Variants in CEP250 observed in about 807,000 individuals in gnomAD.
CEP250 encodes centrosomal protein 250, also known as centrosome-associated protein CEP250.
A neutral mutation model predicts 315.7 loss-of-function variants in CEP250; 242 were observed. That is an observed-to-expected ratio of 0.77 (90% CI 0.69 to 0.85). The LOEUF is 0.85. Among genes scored for constraint, CEP250 ranks in the 40% least tolerant of loss-of-function variants. The pLI, the probability that CEP250 is intolerant of heterozygous loss-of-function variation, is 0.00. For missense variants in CEP250, 2,515 were observed against 2,886.4 expected, an observed-to-expected ratio of 0.87 and a Z score of 2.95; for synonymous variants, 1,088 against 1,175.0, an observed-to-expected ratio of 0.93 and a Z score of 1.51.
chr20:35,462,148 C>T (rs991868539), intron 3 of CEP250, 117 bp from the exon 4 acceptor site: 2 of 382,770 alleles, frequency 5.2e-6, no homozygotes, highest in Non-Finnish European at 9.4e-6. Flanking sequence ...GGGAATGATG[C>T]TCATCATAGC....
intron 32 of CEP250, 38 bp downstream of exon 32, chr20:35,508,228 C>T: frequency 6.2e-7 from 1 of 1,610,076 alleles, no homozygotes; most frequent in South Asian, 1.1e-5. Context: ...TGCATCTCCA[C>T]TTCTCGTGTG....
At chr20:35,464,944 G>A (rs2062837879) in intron 5 of CEP250, among the ~76,000 whole-genome samples, 2 of 152,164 alleles carry the variant, frequency 1.3e-5, no homozygotes, top group South Asian at 2.1e-4. Flanking sequence ...AAAAGAAAAC[G>A]TCGTAAGTTG....
chr20:35,460,583 A>G (rs2062733080), intron 3 of CEP250, among the ~76,000 whole-genome samples: 1 of 152,172 alleles, frequency 6.6e-6, no homozygotes. Flanking sequence ...CCCTGTCTAA[A>G]CGGGCAGGCA....
intron 10 of CEP250, 82 bp downstream of exon 10, chr20:35,470,068 C>G: frequency 2.3e-6 from 2 of 863,510 alleles, no homozygotes; most frequent in Non-Finnish European, 3.8e-6. Context: ...GTGCAGGATA[C>G]CAGTTACATA....
chr20:35,503,607 T>C lies in CEP250; in HGVS notation c.5238T>C (p.His1746=), dbSNP rs967779006. ...KEVECQQEHI[H]ELQELKDQLE... is the part of the protein sequence containing the mutation. ...TGGAATGTCAGCAGGAGCATATCCA[T>C]GAACTCCAGGAGCTCAAAGACCAGC... is the stretch of plus-strand genomic sequence containing the variant. The change falls in exon 30 of 35, where the codon CAT becomes CAC. Residue 1746 remains histidine, a synonymous_variant. Transcript: ENST00000397527. This position sits in a 1 kb window ranked among gnomAD's most constrained non-coding sequence, Gnocchi z 4.2. The C allele has an allele frequency of 6.2e-7, 1 of 1,613,914 alleles. No individual in the cohort carries two copies. The highest frequency in any genetic ancestry group is 1.3e-5 in the African/African-American group (1 of 74,898).
rs145101156 is a variant in CEP250 at position 35,482,535 on chromosome 20, G to A, written c.2586+2390G>A. ...ATTACAGGCGTGAGCCACCGTGCCC[G>A]GCTATTTATTTTTTTATATTTTTTT... is the stretch of plus-strand genomic sequence containing the variant. On this transcript the variant is annotated intron_variant, in intron 20 of 34. Coordinates refer to ENST00000397527, the MANE Select transcript of CEP250 (RefSeq NM_007186.6). Among the ~76,000 whole-genome samples, 6 of 149,170 alleles carry A rather than the reference G, an allele frequency of 4.0e-5. No homozygotes were observed. In the South Asian group the frequency reaches 8.5e-4, roughly 21 times the overall value.
At chr20:35,473,627 TC>T in intron 13 of CEP250, 75 bp downstream of exon 13, 1 of 1,429,100 alleles carries the variant, frequency 7.0e-7, no homozygotes, top group South Asian at 1.4e-5. Context: ...ATTTACCCAC[TC>T]CCATCAGGTT....
chr20:35,472,221 G>A, intron 11 of CEP250, 70 bp downstream of exon 11: 1 of 906,640 alleles, frequency 1.1e-6, no homozygotes, highest in Non-Finnish European at 1.8e-6. Context: ...TGTCCTTTCA[G>A]TCCTGCCTAG....
intron 20 of CEP250, among the ~76,000 whole-genome samples, chr20:35,488,009 A>T (rs555456338): frequency 3.3e-5 from 5 of 152,228 alleles, no homozygotes; most frequent in Non-Finnish European, 5.9e-5. Flanking sequence ...AATGAGCCTT[A>T]GATTTGCTTG....
intron 20 of CEP250, among the ~76,000 whole-genome samples, chr20:35,485,463 T>C (rs1487880724): frequency 6.6e-6 from 1 of 151,860 alleles, no homozygotes; most frequent in Non-Finnish European, 1.5e-5. Context: ...TACTATAATT[T>C]GTTAACCCCA....
In CEP250 at chr20:35,460,889, A is replaced by G. The variant is rs184157157; in HGVS notation, c.-104+784A>G. Among the ~76,000 whole-genome samples the G allele has an allele frequency of 4.6e-5, 7 of 152,364 alleles. No homozygotes were observed. In the East Asian group the frequency reaches 1.2e-3, roughly 25 times the overall value. ...ACAAGTTACAATTAAAATGAATTAG[A>G]CAGCTCCTGCCTTTGAGGTACTCAT... On this transcript the variant is annotated intron_variant, in intron 3 of 34. Transcript: ENST00000397527.
rs201427125 is a variant in CEP250, at chr20:35,475,605, C to A, written c.1675C>A (p.Leu559Met). ...LESSHLEGEL[L>M]RQEQTEVTAA... ...GTCAAGTCACCTGGAAGGGGAGTTA[C>A]TGAGGCAAGAGCAAACGGAAGTGAC... Residue 559 changes from leucine (L) to methionine (M), a missense_variant, in exon 15 of 35, where the codon CTG becomes ATG. Coordinates refer to ENST00000397527, the MANE Select transcript of CEP250 (RefSeq NM_007186.6). 135 of 1,614,124 alleles carry A rather than the reference C, an allele frequency of 8.4e-5. No individual in the cohort carries two copies. Among genetic ancestry groups the A allele is most frequent in the Non-Finnish European group, 1.1e-4 (128 of 1,180,012 alleles).
intron 23 of CEP250, 173 bp from the exon 24 acceptor site, chr20:35,494,351 T>C (rs2063778241): frequency 5.2e-6 from 4 of 763,286 alleles, no homozygotes; most frequent in Non-Finnish European, 8.4e-6. Flanking sequence ...CCGAATTGTA[T>C]TGAGGAAGGG....
At chr20:35,511,057 G>A (rs1302058888) in intron 34 of CEP250, among the ~76,000 whole-genome samples, 2 of 152,116 alleles carry the variant, frequency 1.3e-5, no homozygotes, top group Non-Finnish European at 2.9e-5. Context: ...TCATCAAAAT[G>A]TACATTTAAA....
intron 1 of CEP250, among the ~76,000 whole-genome samples, chr20:35,457,466 C>G (rs919482948): frequency 6.6e-6 from 1 of 152,052 alleles, no homozygotes; most frequent in Admixed American, 6.6e-5. Context: ...TTGGCTCAAG[C>G]AGCCCTCCCA....
rs1370122766 is a variant in CEP250, at chr20:35,473,398, T to C, written c.1234T>C (p.Cys412Arg). Reference sequence around the variant, plus strand: ...GGACCTAAGGCAGCAGCTTGCAGGCTGTCAAGAGGCTGTGAACTTGTTGCA... The same window carrying C: ...GGACCTAAGGCAGCAGCTTGCAGGCCGTCAAGAGGCTGTGAACTTGTTGCA... ...VQDLRQQLAG[C>R]QEAVNLLQQQ... Residue 412 changes from cysteine (C) to arginine (R), a missense_variant, in exon 13 of 35, where the codon TGT (cysteine) becomes CGT (arginine). Cys to Arg is a radical substitution (Grantham distance 180). Coordinates refer to ENST00000397527, the MANE Select transcript of CEP250 (RefSeq NM_007186.6). 3.7e-6 allele frequency: 6 copies of C among 1,613,668 alleles called. No homozygotes were observed. The highest frequency in any genetic ancestry group is 4.2e-6 in the Non-Finnish European group (5 of 1,179,816).
chr20:35,505,352 G>C (rs1263507497), intron 30 of CEP250, among the ~76,000 whole-genome samples: 1 of 152,122 alleles, frequency 6.6e-6, no homozygotes, highest in Non-Finnish European at 1.5e-5. Context: ...GGTAAAAGTG[G>C]TGTTTAAGAT....
Position 35,494,610 on chromosome 20 carries a change from C to A in CEP250, c.3120C>A (p.Thr1040=). The part of the protein sequence containing the change: ...EQEVQEKLRE[T]QEYNRIQKEL... ...AGGTTCAGGAGAAGCTGAGAGAGAC[C>A]CAGGAGTATAACCGAATTCAGAAGG... The change falls in exon 24 of 35, where the codon ACC becomes ACA. Residue 1040 remains threonine (T), a synonymous_variant. Coordinates refer to ENST00000397527, the MANE Select transcript of CEP250 (RefSeq NM_007186.6). 2.5e-6 allele frequency: 4 copies of A among 1,613,980 alleles called. No homozygotes were observed. Among genetic ancestry groups the A allele is most frequent in the Non-Finnish European group, 3.4e-6 (4 of 1,179,986 alleles).
At chr20:35,485,631 C>T (rs2063487371) in intron 20 of CEP250, among the ~76,000 whole-genome samples, 1 of 132,574 alleles carries the variant, frequency 7.5e-6, no homozygotes, top group African/African-American at 2.8e-5. Flanking sequence ...GCTAGGACTA[C>T]AGCGTCTGCC....
Sources: gnomAD v4.1 joint callset for allele counts (sites outside exome capture counted in the v4.1 genomes callset) on GRCh38, gnomAD v4.1.1 for gene constraint, Gnocchi (gnomAD v3.1) non-coding constraint, MANE v1.5 for transcripts, NCBI Gene and HGNC (gene_info 2026-07-23, HGNC 2026-07-21) for gene names.